CRYBG1: variants seen among roughly 807,000 people sequenced by gnomAD.
CRYBG1 encodes beta/gamma crystallin domain-containing protein 1.
Under a neutral mutation model 189.2 loss-of-function variants are expected in CRYBG1, and 139 were observed. The observed-to-expected ratio is 0.73, with a 90% CI of 0.64 to 0.85. The LOEUF (loss-of-function observed/expected upper bound fraction) is 0.85. Among genes scored for constraint, CRYBG1 ranks in the 40% least tolerant of loss-of-function variants. The pLI, the probability that CRYBG1 is intolerant of heterozygous loss-of-function variation, is 0.00. For synonymous variants in CRYBG1, 1,023 were observed against 1,017.1 expected (o/e 1.01, Z -0.11); for missense variants, 2,611 against 2,675.8 (o/e 0.98, Z 0.53).
intron 2 of CRYBG1, among the ~76,000 whole-genome samples, chr6:106,458,702 T>C (rs1367463399): frequency 1.3e-5 from 2 of 152,174 alleles, no homozygotes; most frequent in African/African-American, 4.8e-5. Flanking sequence ...GCAGGAAATC[T>C]CACCAAATAC....
chr6:106,449,221 G>A (rs781543414), intron 1 of CRYBG1, among the ~76,000 whole-genome samples: 6 of 152,100 alleles, frequency 3.9e-5, no homozygotes, highest in Non-Finnish European at 7.4e-5. Context: ...GCCCGTCTCC[G>A]ACAATACAAA....
At chr6:106,375,376 G>A (rs1231285107) in intron 1 of CRYBG1, among the ~76,000 whole-genome samples, 4 of 148,924 alleles carry the variant, frequency 2.7e-5, no homozygotes, top group African/African-American at 9.9e-5. Context: ...ACAGAGTGAG[G>A]CCCTGTCTTT....
At position 106,423,694 on chromosome 6, in the gene CRYBG1, C is replaced by CTTTTTTTTTTTTTTTTTTTTTTTTTTTTT. The variant is rs1350862841; in HGVS notation, c.174-28000_174-27999insTTTTTTTTTTTTTTTTTTTTTTTTTTTTT. Among the ~76,000 whole-genome samples, 2 of 101,246 alleles carry CTTTTTTTTTTTTTTTTTTTTTTTTTTTTT rather than the reference C, an allele frequency of 2.0e-5. 1 individual carries two copies. The highest frequency in any genetic ancestry group is 8.5e-5 in the African/African-American group (2 of 23,608). 66.4% of individuals were successfully genotyped at this position (101,246 alleles called of 152,430 possible). Reference sequence around the variant, plus strand: ...CCCTCCAGTCCTCAGTTCTCCCTCCCCTTTTTTTTTTTTTTTTTTTTTTTT... The same window carrying CTTTTTTTTTTTTTTTTTTTTTTTTTTTTT: ...CCCTCCAGTCCTCAGTTCTCCCTCCCTTTTTTTTTTTTTTTTTTTTTTTTTTTTTCTTTTTTTTTTTTTTTTTTTTTTTT... On this transcript the variant is annotated intron_variant, in intron 1 of 21. Transcript: ENST00000633556.
chr6:106,554,381 AG>A (rs1392220348), intron 16 of CRYBG1, among the ~76,000 whole-genome samples: 23 of 152,350 alleles, frequency 1.5e-4, no homozygotes, highest in African/African-American at 5.5e-4. Flanking sequence ...AGGGAAGCCA[AG>A]GCAGGCAGAT....
In CRYBG1 at chr6:106,541,108, G is replaced by C. The variant is rs1291127465; in HGVS notation, c.4846-478G>C. On this transcript the variant is annotated intron_variant, in intron 9 of 21. Coordinates refer to ENST00000633556, the MANE Select transcript of CRYBG1 (RefSeq NM_001371242.2). ...TGGTTGCAAAATCAAATACCTTCAG[G>C]GGCCAGGCAGCAAATACAAATGGCT... is the stretch of plus-strand genomic sequence containing the variant. The C allele has an allele frequency of 2.5e-5, 9 of 357,776 alleles. No individual in the cohort carries two copies. In the East Asian group the frequency reaches 7.0e-4, roughly 28 times the overall value. The allele number at this position is 357,776 out of a possible 1,614,324, so 22.2% of individuals were successfully genotyped here.
chr6:106,402,950 A>T (rs2114357537), intron 1 of CRYBG1, among the ~76,000 whole-genome samples: 1 of 152,310 alleles, frequency 6.6e-6, no homozygotes, highest in Non-Finnish European at 1.5e-5. Context: ...AGGGCAGGAA[A>T]CTGGTCTGTT....
At chr6:106,496,140 A>C (rs1014071083) in intron 2 of CRYBG1, among the ~76,000 whole-genome samples, 23 of 152,228 alleles carry the variant, frequency 1.5e-4, no homozygotes, top group African/African-American at 5.3e-4. Flanking sequence ...TATTGGAGAC[A>C]CTGGGCTTCT....
rs1773530747 is a variant in CRYBG1 at position 106,519,478 on chromosome 6, AAG to A, written c.2272_2273del (p.Glu758ArgfsTer15). ...ATAGAAACCAAAGTTACCGTCTCGGAAGAAGAGATTCTGCCAGCAACCAGAGG... is the reference window on the plus strand; with the variant it reads ...ATAGAAACCAAAGTTACCGTCTCGGAAAGAGATTCTGCCAGCAACCAGAGG... On this transcript the variant is annotated frameshift_variant, in exon 4 of 22. Coordinates refer to ENST00000633556, the MANE Select transcript of CRYBG1 (RefSeq NM_001371242.2). LOFTEE classifies it high-confidence loss of function. 1.2e-5 allele frequency: 20 copies of A among 1,614,016 alleles called. No homozygotes were observed. The highest frequency in any genetic ancestry group is 1.7e-5 in the Non-Finnish European group (20 of 1,180,044).
intron 2 of CRYBG1, among the ~76,000 whole-genome samples, chr6:106,464,118 C>T (rs536777540): frequency 6.6e-6 from 1 of 152,284 alleles, no homozygotes; most frequent in East Asian, 1.9e-4. Flanking sequence ...GCAAGAGCAG[C>T]TGCAAGGCAA....
At chr6:106,494,382 T>C (rs12191355) in intron 2 of CRYBG1, among the ~76,000 whole-genome samples, 27,004 of 152,102 alleles carry the variant, frequency 0.18, 2,454 homozygotes, top group Non-Finnish European at 0.19. Context: ...ACATTTTACG[T>C]TTTGTGCTTT....
chr6:106,452,365 G>A lies in CRYBG1; in HGVS notation c.312+533G>A, dbSNP rs538227243. 4.0e-5 allele frequency among the ~76,000 whole-genome samples: 6 copies of A among 150,938 alleles called. No homozygotes were observed. In the South Asian group the frequency reaches 6.3e-4, roughly 16 times the overall value. ...TTAAACCCAGGAGGTGGAGGTTGTG[G>A]TGGAGCTGAGATCATGCCACTGCAC... On this transcript the variant is annotated intron_variant, in intron 2 of 21. Coordinates refer to ENST00000633556, the MANE Select transcript of CRYBG1 (RefSeq NM_001371242.2).
intron 1 of CRYBG1, among the ~76,000 whole-genome samples, chr6:106,451,316 C>G (rs1008432272): frequency 3.3e-5 from 5 of 152,248 alleles, no homozygotes; most frequent in Admixed American, 3.3e-4. Context: ...GTTCAGGAAA[C>G]TTACAAATTT....
At chr6:106,566,377 ATATAAAT>A (rs1476628850) in intron 21 of CRYBG1, among the ~76,000 whole-genome samples, 2 of 151,210 alleles carry the variant, frequency 1.3e-5, no homozygotes, top group African/African-American at 4.9e-5. Context: ...AAATGACACT[ATATAAAT>A]TACTCAAGTG....
chr6:106,562,560 C>T (rs1170800591), intron 20 of CRYBG1, among the ~76,000 whole-genome samples: 1 of 152,172 alleles, frequency 6.6e-6, no homozygotes, highest in African/African-American at 2.4e-5. Context: ...TATCTCGGCT[C>T]ACTTCAACCT....
intron 2 of CRYBG1, among the ~76,000 whole-genome samples, chr6:106,480,093 G>A (rs1233125984): frequency 6.6e-6 from 1 of 152,056 alleles, no homozygotes; most frequent in Non-Finnish European, 1.5e-5. Context: ...TGTATGTGGG[G>A]TGAGATAGGG....
At chr6:106,506,835 G>A (rs1773141960) in intron 2 of CRYBG1, among the ~76,000 whole-genome samples, 1 of 152,010 alleles carries the variant, frequency 6.6e-6, no homozygotes, top group South Asian at 2.1e-4. Flanking sequence ...TAAAAACTTA[G>A]TTTTGTTCCC....
chr6:106,366,078 A>T (rs1186554583), intron 1 of CRYBG1, among the ~76,000 whole-genome samples: 1 of 152,210 alleles, frequency 6.6e-6, no homozygotes, highest in African/African-American at 2.4e-5. Context: ...TTTCTTCAGA[A>T]AAAGAACAAT....
intron 2 of CRYBG1, among the ~76,000 whole-genome samples, chr6:106,505,714 C>T (rs1006642625): frequency 4.3e-5 from 6 of 138,948 alleles, no homozygotes; most frequent in Non-Finnish European, 9.3e-5. Flanking sequence ...AGCCACACAA[C>T]TCATGCTATT....
intron 1 of CRYBG1, among the ~76,000 whole-genome samples, chr6:106,400,316 T>G (rs1473461062): frequency 6.6e-6 from 1 of 152,198 alleles, no homozygotes; most frequent in Non-Finnish European, 1.5e-5. Context: ...TAATTAAATA[T>G]GTTCACTTGC....
Sources: allele counts gnomAD v4.1 joint callset (sites outside exome capture counted in the v4.1 genomes callset), GRCh38; gene constraint gnomAD v4.1.1; transcripts MANE v1.5; gene names NCBI Gene and HGNC (gene_info 2026-07-23, HGNC 2026-07-21).